ROBO1: variants seen among roughly 807,000 people sequenced by gnomAD.
ROBO1 encodes the protein roundabout homolog 1.
In ROBO1, 149 loss-of-function variants were observed where a neutral mutation model predicts 195.9. That is an observed-to-expected ratio of 0.76 (90% CI 0.67 to 0.87). The LOEUF (loss-of-function observed/expected upper bound fraction) is 0.87. Among genes scored for constraint, ROBO1 ranks in the 40% least tolerant of loss-of-function variants. ROBO1 has a pLI of 0.00. For missense variants in ROBO1, 1,933 were observed against 2,068.3 expected (o/e 0.93, Z 1.27); for synonymous variants, 816 against 733.2 (o/e 1.11, Z -1.82).
At chr3:79,096,460 C>T (rs1348607192) in intron 3 of ROBO1, among the ~76,000 whole-genome samples, 1 of 151,670 alleles carries the variant, frequency 6.6e-6, no homozygotes, top group Non-Finnish European at 1.5e-5. Flanking sequence ...ACTGTGCTCC[C>T]CTTCATGATT....
intron 2 of ROBO1, among the ~76,000 whole-genome samples, chr3:79,424,324 T>C (rs1029617366): frequency 1.3e-5 from 2 of 152,092 alleles, no homozygotes; most frequent in African/African-American, 4.8e-5. Context: ...ATCAAACATT[T>C]GAGACTGTTT....
chr3:79,462,350 T>C (rs1937689267), intron 2 of ROBO1, among the ~76,000 whole-genome samples: 2 of 152,172 alleles, frequency 1.3e-5, no homozygotes, highest in African/African-American at 4.8e-5. Context: ...GATGATAACT[T>C]TGAAAAATGG....
At chr3:79,605,256 T>TTTTTTA (rs71127396) in intron 1 of ROBO1, among the ~76,000 whole-genome samples, 14 of 151,728 alleles carry the variant, frequency 9.2e-5, no homozygotes, top group Non-Finnish European at 1.3e-4. Flanking sequence ...CTTTTTTTTT[T>TTTTTTA]AACTCTTCTT....
intron 2 of ROBO1, among the ~76,000 whole-genome samples, chr3:79,496,089 T>C (rs1470632008): frequency 6.6e-6 from 1 of 151,312 alleles, no homozygotes; most frequent in Non-Finnish European, 1.5e-5. Flanking sequence ...GGTACGTGCC[T>C]GGAATCTCAG....
chr3:79,731,275 A>G (rs2107355412), intron 1 of ROBO1, among the ~76,000 whole-genome samples: 1 of 152,316 alleles, frequency 6.6e-6, no homozygotes, highest in South Asian at 2.1e-4. Flanking sequence ...AGAAAGACAC[A>G]AGACAATTAA....
chr3:78,673,583 TATATATATATATATATATATATAC>T lies in ROBO1; in HGVS notation c.1343-3306_1343-3283del, dbSNP rs951373919. Among the ~76,000 whole-genome samples the T allele has an allele frequency of 2.2e-4, 15 of 67,044 alleles. 1 individual carries two copies. Among genetic ancestry groups the T allele is most frequent in the Non-Finnish European group, 3.2e-4 (10 of 31,552 alleles). 44.0% of individuals were successfully genotyped at this position (67,044 alleles called of 152,430 possible). A position where few individuals can be genotyped will look rare whatever the true frequency, so the allele number is the denominator to read the frequency against. ...TATTTTATATATATATATATATATA[TATATATATATATATATATATATAC>T]ACACATATATTACAGCAGGGTTATA... On this transcript the variant is annotated intron_variant, in intron 10 of 30. Transcript: ENST00000464233.
intron 4 of ROBO1, among the ~76,000 whole-genome samples, chr3:78,872,702 G>A (rs1345378612): frequency 6.6e-6 from 1 of 152,110 alleles, no homozygotes; most frequent in Non-Finnish European, 1.5e-5. Flanking sequence ...TTTAAAAGCA[G>A]ATGAGTTTTC....
intron 18 of ROBO1, among the ~76,000 whole-genome samples, chr3:78,654,261 G>A (rs1706857032): frequency 6.6e-6 from 1 of 152,166 alleles, no homozygotes; most frequent in African/African-American, 2.4e-5. Context: ...TCCTTCTCAT[G>A]TTGTATGAGT....
intron 26 of ROBO1, among the ~76,000 whole-genome samples, chr3:78,620,582 A>G (rs555901060): frequency 4.6e-4 from 70 of 152,364 alleles, no homozygotes; most frequent in African/African-American, 1.7e-3. Flanking sequence ...TCTGTTCAAT[A>G]GAAATGGAAA....
chr3:79,517,426 C>A (rs1254506538), intron 2 of ROBO1, among the ~76,000 whole-genome samples: 1 of 152,158 alleles, frequency 6.6e-6, no homozygotes, highest in Non-Finnish European at 1.5e-5. Context: ...TCTCTAAACT[C>A]TTGGCTGGCT....
intron 17 of ROBO1, among the ~76,000 whole-genome samples, chr3:78,658,592 A>G (rs1168295614): frequency 6.6e-6 from 1 of 152,218 alleles, no homozygotes; most frequent in Admixed American, 6.5e-5. Context: ...GACATACTCT[A>G]TATTCCTTAT....
chr3:79,581,662 T>G (rs1943664766), intron 2 of ROBO1, among the ~76,000 whole-genome samples: 1 of 152,134 alleles, frequency 6.6e-6, no homozygotes, highest in Non-Finnish European at 1.5e-5. Flanking sequence ...TTCGTTCTCT[T>G]TCAAGGCTTG....
intron 5 of ROBO1, among the ~76,000 whole-genome samples, chr3:78,740,133 C>T (rs2082489399): frequency 2.0e-5 from 3 of 152,080 alleles, no homozygotes; most frequent in Admixed American, 2.0e-4. Flanking sequence ...ACAGCAAGTG[C>T]TATAATAAGT....
At chr3:79,505,274 G>A (rs1304012498) in intron 2 of ROBO1, among the ~76,000 whole-genome samples, 1 of 149,540 alleles carries the variant, frequency 6.7e-6, no homozygotes, top group African/African-American at 2.5e-5. Flanking sequence ...GTCTTCCAGC[G>A]AAGAAAAAAA....
chr3:78,658,533 C>T (rs1707180636), intron 17 of ROBO1, among the ~76,000 whole-genome samples: 1 of 152,164 alleles, frequency 6.6e-6, no homozygotes, highest in Non-Finnish European at 1.5e-5. Context: ...CTGCCTGCCT[C>T]GGCCTCTCAA....
At chr3:79,611,579 C>T (rs1455871776) in intron 1 of ROBO1, among the ~76,000 whole-genome samples, 1 of 152,090 alleles carries the variant, frequency 6.6e-6, no homozygotes. Flanking sequence ...GAGTTCATGT[C>T]CTTTGCAGGG....
chr3:78,715,570 C>T (rs1461305347), intron 7 of ROBO1, among the ~76,000 whole-genome samples: 3 of 152,236 alleles, frequency 2.0e-5, no homozygotes, highest in Admixed American at 1.3e-4. Context: ...CACACTCTGC[C>T]GCTCAGGCTG....
intron 2 of ROBO1, among the ~76,000 whole-genome samples, chr3:79,527,266 A>G (rs1477765239): frequency 6.6e-6 from 1 of 152,176 alleles, no homozygotes; most frequent in Non-Finnish European, 1.5e-5. Context: ...GAAAGTCTAC[A>G]CTAATAATTA....
chr3:79,437,173 T>A (rs1575824365), intron 2 of ROBO1, among the ~76,000 whole-genome samples: 1 of 152,032 alleles, frequency 6.6e-6, no homozygotes, highest in African/African-American at 2.4e-5. Flanking sequence ...CTTAAAATGA[T>A]ACAGATAAAA....
Sources: gnomAD v4.1 joint callset for allele counts (sites outside exome capture counted in the v4.1 genomes callset) on GRCh38, gnomAD v4.1.1 for gene constraint, MANE v1.5 for transcripts, NCBI Gene and HGNC (gene_info 2026-07-23, HGNC 2026-07-21) for gene names.